PTPRM: variants seen among roughly 807,000 people sequenced by gnomAD.
PTPRM encodes the protein protein tyrosine phosphatase receptor type M, also known as receptor-type tyrosine-protein phosphatase mu.
A neutral mutation model predicts 186.7 loss-of-function variants in PTPRM; 47 were observed. The ratio of observed to expected loss-of-function variants is 0.25; its 90% CI spans 0.20 to 0.32. The LOEUF (loss-of-function observed/expected upper bound fraction) is 0.32, where lower values mean the gene tolerates loss of function less well. Among genes scored for constraint, PTPRM ranks in the 10% least tolerant of loss-of-function variants. The pLI is 1.00. For missense variants in PTPRM, 1,494 were observed against 1,865.0 expected, an observed-to-expected ratio of 0.80 and a Z score of 3.66; for synonymous variants, 668 against 674.9, an observed-to-expected ratio of 0.99 and a Z score of 0.16.
At chr18:7,611,309 A>G (rs979328954) in intron 1 of PTPRM, among the ~76,000 whole-genome samples, 3 of 152,204 alleles carry the variant, frequency 2.0e-5, no homozygotes, top group African/African-American at 7.2e-5. Context: ...CACAGTGTTT[A>G]TAAAGTCTAT....
intron 14 of PTPRM, among the ~76,000 whole-genome samples, chr18:8,154,034 T>C (rs1325309526): frequency 6.6e-6 from 1 of 152,174 alleles, no homozygotes; most frequent in African/African-American, 2.4e-5. Flanking sequence ...ATGTGTTTTG[T>C]TACTGTGTTT....
intron 1 of PTPRM, among the ~76,000 whole-genome samples, chr18:7,705,301 A>ATCTGTCTGTCTGTCTG (rs1568040969): frequency 3.3e-5 from 5 of 151,432 alleles, no homozygotes; most frequent in African/African-American, 9.7e-5. Context: ...CTATCTATCT[A>ATCTGTCTGTCTGTCTG]TCTATCTATC....
At chr18:7,987,528 G>C (rs929149455) in intron 7 of PTPRM, among the ~76,000 whole-genome samples, 3 of 152,198 alleles carry the variant, frequency 2.0e-5, no homozygotes, top group Non-Finnish European at 2.9e-5. Context: ...CATGATCTGC[G>C]GTGAGTGGAG....
chr18:7,803,853 T>G (rs997785178), intron 2 of PTPRM, among the ~76,000 whole-genome samples: 6 of 152,160 alleles, frequency 3.9e-5, no homozygotes, highest in Non-Finnish European at 7.4e-5. Flanking sequence ...TTGAAGCTAA[T>G]TAACTTAGAA....
At chr18:8,372,781 A>G (rs1767665922) in intron 24 of PTPRM, among the ~76,000 whole-genome samples, 1 of 152,062 alleles carries the variant, frequency 6.6e-6, no homozygotes, top group Non-Finnish European at 1.5e-5. Flanking sequence ...ACTCATGAAT[A>G]ACCGCATTAA....
intron 3 of PTPRM, among the ~76,000 whole-genome samples, chr18:7,892,452 T>G (rs1004985222): frequency 2.0e-5 from 3 of 152,202 alleles, no homozygotes; most frequent in Admixed American, 6.5e-5. Flanking sequence ...TTCAGTGAAT[T>G]CTTACTTATC....
chr18:7,599,318 C>G (rs2037342826), intron 1 of PTPRM, among the ~76,000 whole-genome samples: 1 of 152,198 alleles, frequency 6.6e-6, no homozygotes, highest in Non-Finnish European at 1.5e-5. Context: ...TACCCCTGGA[C>G]AGGTTGAATT....
chr18:7,837,684 C>A (rs2145798616), intron 2 of PTPRM, among the ~76,000 whole-genome samples: 1 of 152,268 alleles, frequency 6.6e-6, no homozygotes, highest in South Asian at 2.1e-4. Context: ...CTCAGGTGAT[C>A]CACCCTCCTC....
At chr18:7,974,851 C>G (rs529693223) in intron 7 of PTPRM, among the ~76,000 whole-genome samples, 1 of 152,264 alleles carries the variant, frequency 6.6e-6, no homozygotes, top group East Asian at 1.9e-4. Flanking sequence ...GATTGATTGC[C>G]TTAGTGCACT....
chr18:8,383,428 A>G (rs1221022973), intron 29 of PTPRM, among the ~76,000 whole-genome samples: 3 of 151,210 alleles, frequency 2.0e-5, no homozygotes, highest in Non-Finnish European at 1.5e-5. Context: ...GGGCTTTGAG[A>G]AGGGTTTTTG....
intron 2 of PTPRM, among the ~76,000 whole-genome samples, chr18:7,866,562 T>C (rs965205742): frequency 2.6e-5 from 4 of 152,252 alleles, no homozygotes; most frequent in Non-Finnish European, 5.9e-5. Context: ...CTGTTTGTTA[T>C]GATTTCCGTT....
intron 2 of PTPRM, among the ~76,000 whole-genome samples, chr18:7,788,149 A>G (rs1803214899): frequency 6.6e-6 from 1 of 152,324 alleles, no homozygotes; most frequent in Non-Finnish European, 1.5e-5. Context: ...GAAGGGAAAA[A>G]GATTTTGGAA....
chr18:8,298,293 G>A (rs1303553489), intron 20 of PTPRM, among the ~76,000 whole-genome samples: 1 of 152,156 alleles, frequency 6.6e-6, no homozygotes, highest in African/African-American at 2.4e-5. Context: ...CTTCAGCTCT[G>A]CAACAAACTC....
At chr18:7,586,284 T>C (rs1301589999) in intron 1 of PTPRM, among the ~76,000 whole-genome samples, 1 of 152,158 alleles carries the variant, frequency 6.6e-6, no homozygotes, top group East Asian at 1.9e-4. Context: ...GTTGGTTGGT[T>C]AGTCAGGAGT....
chr18:8,183,433 A>G (rs1288381189), intron 14 of PTPRM, among the ~76,000 whole-genome samples: 1 of 152,206 alleles, frequency 6.6e-6, no homozygotes, highest in African/African-American at 2.4e-5. Flanking sequence ...GCGATGACAT[A>G]AAGGAAGAGA....
chr18:7,896,647 A>G (rs2049376095), intron 3 of PTPRM, among the ~76,000 whole-genome samples: 1 of 152,200 alleles, frequency 6.6e-6, no homozygotes, highest in Non-Finnish European at 1.5e-5. Flanking sequence ...TGGGTTCACG[A>G]GAGCCTCCTT....
chr18:8,021,810 T>C (rs1210662430), intron 7 of PTPRM, among the ~76,000 whole-genome samples: 2 of 152,134 alleles, frequency 1.3e-5, no homozygotes, highest in Non-Finnish European at 2.9e-5. Flanking sequence ...CTTGAACTCC[T>C]AGGCTCAAGC....
chr18:7,946,811 C>A, intron 5 of PTPRM: 1 of 395,932 alleles, frequency 2.5e-6, no homozygotes, highest in Non-Finnish European at 5.0e-6. Flanking sequence ...TGTTCTTCCC[C>A]ACTCGTGATG....
intron 2 of PTPRM, among the ~76,000 whole-genome samples, chr18:7,885,451 A>T (rs959469727): frequency 2.0e-5 from 3 of 152,200 alleles, no homozygotes; most frequent in Non-Finnish European, 4.4e-5. Context: ...TTTAAAAGAC[A>T]TCATGCACTG....
Sources: gnomAD v4.1 joint callset for allele counts (sites outside exome capture counted in the v4.1 genomes callset) on GRCh38, gnomAD v4.1.1 for gene constraint, MANE v1.5 for transcripts, NCBI Gene and HGNC (gene_info 2026-07-23, HGNC 2026-07-21) for gene names.